Variants in USP28 observed in about 807,000 individuals in gnomAD.
The protein encoded by USP28 is ubiquitin specific peptidase 28, also known as ubiquitin carboxyl-terminal hydrolase 28.
A neutral mutation model predicts 145.0 loss-of-function variants in USP28; 113 were observed. The ratio of observed to expected loss-of-function variants is 0.78; its 90% CI spans 0.67 to 0.91. USP28 has a LOEUF of 0.91. USP28 is among the 40% of genes least tolerant of loss of function. The probability of loss-of-function intolerance (pLI) is 0.00; values close to 1 mark genes in which losing one functional copy is unlikely to be tolerated. For synonymous variants in USP28, 447 were observed against 450.9 expected, an observed-to-expected ratio of 0.99 and a Z score of 0.11; for missense variants, 1,201 against 1,289.6, an observed-to-expected ratio of 0.93 and a Z score of 1.05.
chr11:113,851,123 C>T (rs1225052027), intron 3 of USP28, among the ~76,000 whole-genome samples: 3 of 152,082 alleles, frequency 2.0e-5, no homozygotes, highest in Non-Finnish European at 2.9e-5. Flanking sequence ...TAATATATGC[C>T]GGAATGCCAG....
At chr11:113,814,040 T>G in intron 14 of USP28, 85 bp from the exon 15 acceptor site, 1 of 979,222 alleles carries the variant, frequency 1.0e-6, no homozygotes, top group Non-Finnish European at 1.5e-6. Flanking sequence ...CAAAGAATAT[T>G]GCTAGGGTCC....
chr11:113,841,839 G>T, intron 3 of USP28, 71 bp from the exon 4 acceptor site: 1 of 1,051,178 alleles, frequency 9.5e-7, no homozygotes, highest in Non-Finnish European at 1.4e-6. Context: ...TAAGAAAAAG[G>T]TAAAGACATA....
Position 113,843,577 on chromosome 11 carries a change from A to G in USP28, c.269-1809T>C, listed in dbSNP as rs191270052. On this transcript the variant is annotated intron_variant, in intron 3 of 24. Transcript: ENST00000003302. The stretch of plus-strand genomic sequence containing the variant: ...TCCCAGCTACTCAGGAGGCTGAGGC[A>G]GGAGGACGGCTTGAACCCAGGAGGC... Among the ~76,000 whole-genome samples, 443 of 150,570 alleles carry G rather than the reference A, an allele frequency of 2.9e-3. 3 individuals carry two copies. Among genetic ancestry groups the G allele is most frequent in the African/African-American group, 9.8e-3 (402 of 41,038 alleles).
intron 11 of USP28, among the ~76,000 whole-genome samples, chr11:113,826,572 G>A (rs1943362218): frequency 6.6e-6 from 1 of 151,494 alleles, no homozygotes. Flanking sequence ...CTCCCAAAGT[G>A]CTAGGATTAC....
exon 16 of USP28, chr11:113,812,398 T>C (rs567858288): frequency 5.0e-6 from 8 of 1,614,108 alleles, no homozygotes; most frequent in East Asian, 2.2e-5. Flanking sequence ...AGAGATGTCA[T>C]TGTACTTGAG....
At chr11:113,855,686 G>A (rs989821800) in intron 1 of USP28, among the ~76,000 whole-genome samples, 2 of 152,176 alleles carry the variant, frequency 1.3e-5, no homozygotes, top group African/African-American at 4.8e-5. Flanking sequence ...GGAGGCCAGG[G>A]TGGGCAGATC....
chr11:113,834,215 A>G, intron 6 of USP28, 34 bp downstream of exon 6: 2 of 1,552,924 alleles, frequency 1.3e-6, no homozygotes, highest in African/African-American at 1.4e-5. Flanking sequence ...AAGGGACTAA[A>G]CAACAGTGAA....
chr11:113,836,917 A>G (rs1944627053), intron 5 of USP28, among the ~76,000 whole-genome samples: 1 of 152,236 alleles, frequency 6.6e-6, no homozygotes, highest in African/African-American at 2.4e-5. Flanking sequence ...GAACACACCA[A>G]GCCCATTCCC....
chr11:113,815,030 T>TTA, intron 14 of USP28, 144 bp downstream of exon 14: 1 of 749,552 alleles, frequency 1.3e-6, no homozygotes, highest in South Asian at 1.9e-5. Context: ...CCAGCCTGGG[T>TTA]GATAGAGTGA....
At chr11:113,808,356 G>A in exon 18 of USP28, 1 of 1,614,094 alleles carries the variant, frequency 6.2e-7, no homozygotes. Flanking sequence ...GTTTGCAATA[G>A]CCTGGGCAGT....
chr11:113,838,955 C>T (rs990762458), intron 5 of USP28, among the ~76,000 whole-genome samples: 8 of 152,200 alleles, frequency 5.3e-5, no homozygotes, highest in Non-Finnish European at 1.0e-4. Context: ...CTGTGGTGAG[C>T]ACCAAGGGTT....
Position 113,815,167 on chromosome 11 carries a change from A to G in USP28, c.1672+7T>C, listed in dbSNP as rs541662066. ...AAGAGTAACTGACAAATTTTAAAAG[A>G]GCCAACCTTGTATATCTTGTTCAAT... On this transcript the variant is annotated splice_region_variant and intron_variant, in intron 14 of 24. Coordinates refer to ENST00000003302, the Ensembl canonical transcript of USP28. 2 of 1,610,686 alleles carry G rather than the reference A, an allele frequency of 1.2e-6. No individual in the cohort carries two copies. Among genetic ancestry groups the G allele is most frequent in the East Asian group, 2.2e-5 (1 of 44,878 alleles).
intron 19 of USP28, among the ~76,000 whole-genome samples, chr11:113,805,780 TAAC>T (rs139020078): frequency 0.016 from 2,430 of 152,218 alleles, 64 homozygotes; most frequent in African/African-American, 0.055. Context: ...AGACAACTCC[TAAC>T]AACAACAATG....
At chr11:113,819,218 T>C (rs1354768952) in intron 12 of USP28, among the ~76,000 whole-genome samples, 3 of 151,690 alleles carry the variant, frequency 2.0e-5, no homozygotes, top group African/African-American at 4.8e-5. Flanking sequence ...GTTCAAGCAA[T>C]TGTCCTGCCT....
chr11:113,850,361 A>G (rs1946321580), intron 3 of USP28, among the ~76,000 whole-genome samples: 2 of 152,212 alleles, frequency 1.3e-5, no homozygotes, highest in African/African-American at 2.4e-5. Flanking sequence ...AAAGTCAATC[A>G]ACAAATACAT....
chr11:113,837,027 CCA>C (rs1390773511), intron 5 of USP28, among the ~76,000 whole-genome samples: 1 of 152,194 alleles, frequency 6.6e-6, no homozygotes, highest in Non-Finnish European at 1.5e-5. Context: ...CCCTTCCCCA[CCA>C]CAGTGAGGCT....
At chr11:113,802,193 A>G (rs1170759935) in intron 23 of USP28, among the ~76,000 whole-genome samples, 6 of 152,230 alleles carry the variant, frequency 3.9e-5, no homozygotes, top group African/African-American at 1.4e-4. Context: ...TTACTTCAGA[A>G]GCTGAGTAGG....
intron 4 of USP28, 119 bp from the exon 5 acceptor site, chr11:113,840,876 A>G: frequency 8.0e-7 from 1 of 1,251,598 alleles, no homozygotes; most frequent in South Asian, 1.7e-5. Flanking sequence ...TATTTACTGG[A>G]TAATCCCTAG....
rs990447896 is a variant in USP28 at position 113,867,619 on chromosome 11, G to A, written c.57+7826C>T. On this transcript the variant is annotated intron_variant, in intron 1 of 24. Coordinates refer to ENST00000003302, the Ensembl canonical transcript of USP28. The stretch of plus-strand genomic sequence containing the variant: ...GGCACACACCTGTAGTTCCAGCTCT[G>A]CAGCAGGCTGAGGCAGAATGATCAC... Among the ~76,000 whole-genome samples, 72 of 151,828 alleles carry A rather than the reference G, an allele frequency of 4.7e-4. 1 individual carries two copies. Among genetic ancestry groups the A allele is most frequent in the Non-Finnish European group, 8.7e-4 (59 of 67,950 alleles).
Sources: allele counts gnomAD v4.1 joint callset (sites outside exome capture counted in the v4.1 genomes callset), GRCh38; gene constraint gnomAD v4.1.1; transcripts MANE v1.5; gene names NCBI Gene and HGNC (gene_info 2026-07-23, HGNC 2026-07-21).